The following SENP7 variants were observed in gnomAD, a reference collection of about 807,000 sequenced individuals.
SENP7 encodes the protein sentrin-specific protease 7.
Under a neutral mutation model 141.2 loss-of-function variants are expected in SENP7, and 64 were observed. That is an observed-to-expected ratio of 0.45 (90% CI 0.37 to 0.56). The LOEUF is 0.56. Ranked by LOEUF, SENP7 falls within the 20% of genes least tolerant of loss-of-function variation. The probability of loss-of-function intolerance (pLI) is 0.00; values close to 1 mark genes in which losing one functional copy is unlikely to be tolerated. For missense variants in SENP7, 1,025 were observed against 1,212.2 expected (o/e 0.85, Z 2.29); for synonymous variants, 382 against 426.4 (o/e 0.90, Z 1.28).
At chr3:101,389,732 G>A (rs2060757417) in intron 6 of SENP7, among the ~76,000 whole-genome samples, 1 of 152,056 alleles carries the variant, frequency 6.6e-6, no homozygotes, top group South Asian at 2.1e-4. Context: ...CTGTTGAACA[G>A]ATATACAAAT....
At chr3:101,457,685 C>CT in intron 4 of SENP7, 4 of 1,328,790 alleles carry the variant, frequency 3.0e-6, no homozygotes, top group Non-Finnish European at 3.2e-6. Context: ...ACACTTGTGC[C>CT]TGCAGTTTGG....
chr3:101,382,575 T>C (rs2060533567), intron 6 of SENP7, among the ~76,000 whole-genome samples: 1 of 152,184 alleles, frequency 6.6e-6, no homozygotes, highest in African/African-American at 2.4e-5. Flanking sequence ...AAAATCCCAA[T>C]GGGAAGTAAA....
chr3:101,357,819 A>G (rs2059783924), intron 11 of SENP7: 8 of 590,296 alleles, frequency 1.4e-5, no homozygotes, highest in South Asian at 3.3e-5. Flanking sequence ...TACACATAAG[A>G]AAGTTCATAC....
chr3:101,335,086 G>A (rs1283911194), intron 17 of SENP7, among the ~76,000 whole-genome samples: 2 of 152,088 alleles, frequency 1.3e-5, no homozygotes, highest in African/African-American at 2.4e-5. Context: ...GTAAACAAAC[G>A]AATAAAATGA....
chr3:101,424,386 G>A (rs2061887169), intron 4 of SENP7, among the ~76,000 whole-genome samples: 1 of 149,102 alleles, frequency 6.7e-6, no homozygotes, highest in Non-Finnish European at 1.5e-5. Context: ...TGCCCCAGCA[G>A]CATGTGACTG....
chr3:101,431,550 G>A (rs1381280225), intron 4 of SENP7, among the ~76,000 whole-genome samples: 3 of 121,456 alleles, frequency 2.5e-5, no homozygotes, highest in African/African-American at 9.5e-5. Flanking sequence ...TTGCCTGGTA[G>A]ATCTTCCTAC....
chr3:101,465,645 GAA>G (rs57290745), intron 3 of SENP7, among the ~76,000 whole-genome samples: 29,763 of 151,956 alleles, frequency 0.2, 3,199 homozygotes, highest in Non-Finnish European at 0.24. Context: ...ATATCTATAG[GAA>G]AAAGTTTTTC....
intron 6 of SENP7, among the ~76,000 whole-genome samples, chr3:101,391,147 A>G (rs1024745023): frequency 2.0e-5 from 3 of 152,162 alleles, no homozygotes; most frequent in Non-Finnish European, 4.4e-5. Flanking sequence ...AAGTAGAAAG[A>G]TTTCAAATAA....
At chr3:101,484,876 T>G (rs1032621047) in intron 3 of SENP7, among the ~76,000 whole-genome samples, 5 of 152,088 alleles carry the variant, frequency 3.3e-5, no homozygotes, top group South Asian at 2.1e-4. Context: ...GAGAAGCCCA[T>G]TCACACCCTC....
At chr3:101,404,455 GTATAA>G (rs1292832198) in intron 5 of SENP7, among the ~76,000 whole-genome samples, 1 of 152,054 alleles carries the variant, frequency 6.6e-6, no homozygotes, top group East Asian at 1.9e-4. Context: ...AAACCTAAAA[GTATAA>G]AAAACCTAGA....
intron 5 of SENP7, among the ~76,000 whole-genome samples, chr3:101,411,731 G>T (rs2061463281): frequency 6.6e-6 from 1 of 152,200 alleles, no homozygotes; most frequent in Non-Finnish European, 1.5e-5. Flanking sequence ...AATCTGGAAG[G>T]AAGAACTAAA....
intron 4 of SENP7, among the ~76,000 whole-genome samples, chr3:101,437,194 G>A (rs772757015): frequency 2.8e-4 from 43 of 152,202 alleles, no homozygotes; most frequent in Non-Finnish European, 5.6e-4. Context: ...TGGACCTAGA[G>A]AGTAGAAGGA....
intron 5 of SENP7, among the ~76,000 whole-genome samples, chr3:101,409,520 C>G (rs2061396129): frequency 6.6e-6 from 1 of 152,162 alleles, no homozygotes; most frequent in African/African-American, 2.4e-5. Flanking sequence ...ACAGGCATCA[C>G]ATTACCTGAT....
chr3:101,350,342 G>A (rs373931198), intron 12 of SENP7, among the ~76,000 whole-genome samples: 17 of 152,066 alleles, frequency 1.1e-4, no homozygotes, highest in African/African-American at 2.7e-4. Flanking sequence ...ATATAAATAC[G>A]GATAAATCAA....
At chr3:101,344,046 G>GA in intron 13 of SENP7, 92 bp from the exon 14 acceptor site, 4 of 881,592 alleles carry the variant, frequency 4.5e-6, no homozygotes, top group Non-Finnish European at 6.7e-6. Context: ...AGTAAGGTTG[G>GA]AATATAACCC....
intron 21 of SENP7, 32 bp from the exon 22 acceptor site, chr3:101,328,578 A>T: frequency 6.2e-7 from 1 of 1,603,218 alleles, no homozygotes; most frequent in South Asian, 1.1e-5. Flanking sequence ...ATCAAGATTT[A>T]CATACTTGTA....
intron 1 of SENP7, among the ~76,000 whole-genome samples, chr3:101,502,948 TC>T (rs1441762571): frequency 6.6e-6 from 1 of 150,804 alleles, no homozygotes; most frequent in Non-Finnish European, 1.5e-5. Flanking sequence ...GAACTTCTGT[TC>T]ATCAAAAATC....
chr3:101,368,117 C>T (rs1479703290), intron 7 of SENP7, 106 bp from the exon 8 acceptor site: 3 of 780,810 alleles, frequency 3.8e-6, no homozygotes, highest in Non-Finnish European at 6.1e-6. Context: ...ACTTCCAAAG[C>T]TCATTAAAAC....
chr3:101,382,125 A>G (rs1225552419), intron 6 of SENP7, among the ~76,000 whole-genome samples: 1 of 152,224 alleles, frequency 6.6e-6, no homozygotes, highest in Non-Finnish European at 1.5e-5. Flanking sequence ...GTGGCTAGCT[A>G]CAATAAAACC....
Sources: allele counts gnomAD v4.1 joint callset (sites outside exome capture counted in the v4.1 genomes callset), GRCh38; gene constraint gnomAD v4.1.1; transcripts MANE v1.5; gene names NCBI Gene and HGNC (gene_info 2026-07-23, HGNC 2026-07-21).